Variants in C3orf49 observed in about 807,000 individuals in gnomAD.
The protein encoded by C3orf49 is putative uncharacterized protein C3orf49.
A neutral mutation model predicts 13.3 loss-of-function variants in C3orf49; 27 were observed. The observed-to-expected ratio is 2.02, with a 90% CI of 1.49 to 2.79. C3orf49 has a LOEUF of 2.79. Among genes scored for constraint, C3orf49 ranks in the 30% most tolerant of loss-of-function variants. The pLI is 0.00. For missense variants in C3orf49, 242 were observed against 134.2 expected (o/e 1.80, Z -3.97); for synonymous variants, 87 against 47.6 (o/e 1.83, Z -3.40).
chr3:63,813,856 G>C, the C3orf49 span, among the ~76,000 whole-genome samples: 1 of 152,206 alleles, frequency 6.6e-6, no homozygotes, highest in East Asian at 1.9e-4. Flanking sequence ...CCAAATCCTG[G>C]TAAAACTGGG....
intron 5 of C3orf49, chr3:63,835,210 C>T (rs1454490174): frequency 2.5e-6 from 4 of 1,613,332 alleles, no homozygotes; most frequent in Non-Finnish European, 3.4e-6. Context: ...AAACTGTTTC[C>T]GTCTCAATTC....
chr3:63,816,450 G>A (rs143757157), upstream of C3orf49, among the ~76,000 whole-genome samples: 5,084 of 152,024 alleles, frequency 0.033, 172 homozygotes, highest in African/African-American at 0.085. Context: ...AAATTAGCTG[G>A]GCGTGGTGGC....
chr3:63,841,528 C>T lies in C3orf49; in HGVS notation c.850-3495C>T, dbSNP rs569149970. Among the ~76,000 whole-genome samples, 12 of 152,158 alleles carry T rather than the reference C, an allele frequency of 7.9e-5. No homozygotes were observed. The East Asian group carries it at 1.4e-3, about 17-fold the overall frequency. Reference sequence around the variant, plus strand: ...GAAGTATTTTTGAGCGCAGGTGCAGCGGAGATAAACTTTGGAAGGCAGATG... The same window carrying T: ...GAAGTATTTTTGAGCGCAGGTGCAGTGGAGATAAACTTTGGAAGGCAGATG... On this transcript the variant is annotated intron_variant, in intron 5 of 6. Transcript: ENST00000295896.
intron 2 of C3orf49, among the ~76,000 whole-genome samples, chr3:63,824,366 C>T (rs1701439586): frequency 6.6e-6 from 1 of 152,068 alleles, no homozygotes; most frequent in African/African-American, 2.4e-5. Flanking sequence ...ACTGGTAAGT[C>T]ATAAAGAATG....
intron 1 of C3orf49, among the ~76,000 whole-genome samples, chr3:63,820,325 G>GT (rs1449743228): frequency 1.3e-5 from 2 of 152,140 alleles, no homozygotes; most frequent in East Asian, 3.8e-4. Context: ...TCAATGAAAA[G>GT]TAGGCACTCC....
chr3:63,791,469 T>A, the C3orf49 span, among the ~76,000 whole-genome samples: 3 of 152,110 alleles, frequency 2.0e-5, no homozygotes, highest in Non-Finnish European at 2.9e-5. Flanking sequence ...TCAGGTTCAG[T>A]TAGTGATGCC....
the C3orf49 span, among the ~76,000 whole-genome samples, chr3:63,808,079 A>C: frequency 1.3e-5 from 2 of 152,068 alleles, no homozygotes; most frequent in South Asian, 2.1e-4. Flanking sequence ...TCAGATCCTA[A>C]TTCTGAGTCT....
chr3:63,797,005 T>G, the C3orf49 span, among the ~76,000 whole-genome samples: 2 of 152,134 alleles, frequency 1.3e-5, no homozygotes, highest in Non-Finnish European at 2.9e-5. Flanking sequence ...GAGGTATATT[T>G]GACCTCAATT....
chr3:63,795,537 C>G, the C3orf49 span, among the ~76,000 whole-genome samples: 1 of 152,132 alleles, frequency 6.6e-6, no homozygotes, highest in Admixed American at 6.6e-5. Context: ...CTGGGAGACA[C>G]TCCACTCTCC....
At chr3:63,845,156 C>A in intron 6 of C3orf49, 74 bp downstream of exon 6, 1 of 598,456 alleles carries the variant, frequency 1.7e-6, no homozygotes. Context: ...AAGTCCCCCT[C>A]AGATCTGAGC....
At chr3:63,821,149 T>A (rs1701388704) in intron 1 of C3orf49, among the ~76,000 whole-genome samples, 1 of 152,220 alleles carries the variant, frequency 6.6e-6, no homozygotes, top group Admixed American at 6.5e-5. Flanking sequence ...AGAGGTTACA[T>A]GACATGCCCA....
the C3orf49 span, among the ~76,000 whole-genome samples, chr3:63,811,777 A>T: frequency 2.0e-5 from 3 of 151,940 alleles, no homozygotes; most frequent in Non-Finnish European, 2.9e-5. Flanking sequence ...ATTGTGAAAA[A>T]ATAGAGAATG....
chr3:63,847,993 C>T (rs1312662983), intron 6 of C3orf49, among the ~76,000 whole-genome samples: 1 of 152,114 alleles, frequency 6.6e-6, no homozygotes, highest in Non-Finnish European at 1.5e-5. Context: ...CACAACTGAC[C>T]AGCATGAACA....
chr3:63,833,065 A>T (rs1193630269), intron 5 of C3orf49, among the ~76,000 whole-genome samples: 5 of 152,126 alleles, frequency 3.3e-5, no homozygotes, highest in Non-Finnish European at 7.3e-5. Flanking sequence ...CTTAATTTTT[A>T]AAAAGATTAT....
At chr3:63,834,185 A>G (rs1701578190) in intron 5 of C3orf49, 1 of 1,613,904 alleles carries the variant, frequency 6.2e-7, no homozygotes, top group South Asian at 1.1e-5. Flanking sequence ...TCTACCTCTG[A>G]GAGTTTTTCA....
chr3:63,838,460 T>C (rs371771719), intron 5 of C3orf49: 6 of 1,610,466 alleles, frequency 3.7e-6, no homozygotes, highest in African/African-American at 2.7e-5. Flanking sequence ...AAAATTCACA[T>C]TGAGACAGCG....
intron 6 of C3orf49, among the ~76,000 whole-genome samples, chr3:63,845,572 C>A (rs1454342235): frequency 6.6e-6 from 1 of 152,176 alleles, no homozygotes; most frequent in African/African-American, 2.4e-5. Context: ...TGGAGGGGGA[C>A]ATGAACTCTG....
chr3:63,833,278 T>C (rs1299661340), intron 5 of C3orf49, among the ~76,000 whole-genome samples: 1 of 152,102 alleles, frequency 6.6e-6, no homozygotes, highest in Non-Finnish European at 1.5e-5. Context: ...GTATTTTTTT[T>C]AGTAGAGATG....
At chr3:63,848,270 G>A (rs776414467) in intron 6 of C3orf49, 94 bp from the exon 7 acceptor site, 3 of 152,086 alleles carry the variant, frequency 2.0e-5, no homozygotes, top group Non-Finnish European at 4.4e-5. Context: ...TCTATTCTCT[G>A]TGAAGCCTGC....
Sources: gnomAD v4.1 joint callset for allele counts (sites outside exome capture counted in the v4.1 genomes callset) on GRCh38, gnomAD v4.1.1 for gene constraint, MANE v1.5 for transcripts, NCBI Gene and HGNC (gene_info 2026-07-23, HGNC 2026-07-21) for gene names.